Variants in PRSS23 observed in about 807,000 individuals in gnomAD.
PRSS23 encodes the protein protease, serine 23.
PRSS23 carries 25 observed loss-of-function variants against 34.7 expected under a neutral mutation model. That is an observed-to-expected ratio of 0.72 (90% CI 0.53 to 1.01). PRSS23 has a LOEUF of 1.01. PRSS23 is among the 50% of genes least tolerant of loss of function. The pLI is 0.00. For synonymous variants in PRSS23, 176 were observed against 186.6 expected (o/e 0.94, Z 0.46); for missense variants, 445 against 475.6 (o/e 0.94, Z 0.60).
Position 86,808,307 on chromosome 11 carries a change from A to G in PRSS23, c.664A>G (p.Ile222Val), listed in dbSNP as rs1200738845. 4 of 1,614,160 alleles carry G rather than the reference A, an allele frequency of 2.5e-6. No individual in the cohort carries two copies. Among genetic ancestry groups the G allele is most frequent in the Non-Finnish European group, 3.4e-6 (4 of 1,180,032 alleles). The part of the protein sequence containing the change: ...AMPEQMKFQW[I>V]RVKRTHVPKG... ...GCCCGAGCAGATGAAATTTCAGTGGATCCGGGTGAAACGCACCCATGTGCC... is the reference window on the plus strand; with the variant it reads ...GCCCGAGCAGATGAAATTTCAGTGGGTCCGGGTGAAACGCACCCATGTGCC... Residue 222 changes from isoleucine to valine, a missense_variant, in exon 2 of 2, where the codon ATC (isoleucine) becomes GTC (valine). Transcript: ENST00000280258.
chr11:86,925,565 A>G (rs551299085), intron 2 of PRSS23, among the ~76,000 whole-genome samples: 4 of 152,224 alleles, frequency 2.6e-5, no homozygotes, highest in Non-Finnish European at 5.9e-5. Context: ...ACAGAAAGGA[A>G]GGCCCTCCTG....
chr11:86,840,102 A>T (rs1161638250), intron 2 of PRSS23, among the ~76,000 whole-genome samples: 1 of 152,182 alleles, frequency 6.6e-6, no homozygotes, highest in Non-Finnish European at 1.5e-5. Context: ...ACATAGTAAT[A>T]TTAACCTTAA....
exon 3 of PRSS23, chr11:86,951,699 C>T: frequency 6.2e-7 from 1 of 1,614,070 alleles, no homozygotes; most frequent in Non-Finnish European, 8.5e-7. Flanking sequence ...GCGGGGATGG[C>T]CCAGGCTGCA....
chr11:86,821,509 C>A, intron 1 of PRSS23: 1 of 1,611,002 alleles, frequency 6.2e-7, no homozygotes, highest in South Asian at 1.1e-5. Flanking sequence ...AAAGAAAAAT[C>A]CATTGTTCAG....
chr11:86,880,794 C>G (rs796147820), intron 2 of PRSS23, among the ~76,000 whole-genome samples: 2 of 152,258 alleles, frequency 1.3e-5, no homozygotes, highest in African/African-American at 2.4e-5. Context: ...TGGTTTCCAC[C>G]TTCATCCATG....
chr11:86,921,840 G>C (rs191225982), intron 2 of PRSS23: 6 of 152,342 alleles, frequency 3.9e-5, no homozygotes, highest in African/African-American at 1.4e-4. Context: ...AAGTATCCAG[G>C]AGCGGGAGCT....
intron 2 of PRSS23, chr11:86,910,564 C>G (rs1948970683): frequency 6.6e-6 from 1 of 152,118 alleles, no homozygotes; most frequent in Admixed American, 6.5e-5. Context: ...TATTTATATC[C>G]TTAACATTTG....
chr11:86,881,935 C>T (rs936868742), intron 2 of PRSS23, among the ~76,000 whole-genome samples: 3 of 151,982 alleles, frequency 2.0e-5, no homozygotes, highest in African/African-American at 4.8e-5. Context: ...TTTATAACAC[C>T]AGTAGTAATG....
chr11:86,938,819 A>G (rs988781751), intron 2 of PRSS23, among the ~76,000 whole-genome samples: 8 of 152,142 alleles, frequency 5.3e-5, no homozygotes, highest in African/African-American at 1.9e-4. Context: ...AGCCACTGCC[A>G]AACACTAGAG....
At chr11:86,933,512 T>C (rs1384751782) in intron 2 of PRSS23, 1 of 152,216 alleles carries the variant, frequency 6.6e-6, no homozygotes, top group Non-Finnish European at 1.5e-5. Flanking sequence ...AAAGAGAAAG[T>C]ACTGCATATT....
At chr11:86,869,679 C>T (rs2134945382) in intron 2 of PRSS23, among the ~76,000 whole-genome samples, 1 of 152,286 alleles carries the variant, frequency 6.6e-6, no homozygotes, top group East Asian at 1.9e-4. Flanking sequence ...GATGGTTTAG[C>T]TGCCTCATCA....
intron 1 of PRSS23, among the ~76,000 whole-genome samples, chr11:86,794,794 T>TG (rs199741165): frequency 0.011 from 1,628 of 152,266 alleles, 33 homozygotes; most frequent in African/African-American, 0.034. Context: ...AATTTTACTA[T>TG]GGGGGTTTTA....
At chr11:86,876,906 A>G (rs554279438) in intron 2 of PRSS23, among the ~76,000 whole-genome samples, 30 of 152,318 alleles carry the variant, frequency 2.0e-4, no homozygotes, top group African/African-American at 7.0e-4. Context: ...GAATTTTAAA[A>G]ATGTGCTTCA....
At chr11:86,825,577 A>T (rs111927301) in intron 2 of PRSS23, among the ~76,000 whole-genome samples, 1 of 150,256 alleles carries the variant, frequency 6.7e-6, no homozygotes, top group African/African-American at 2.4e-5. Flanking sequence ...CTGAATGGTA[A>T]TGCCTAGGTT....
chr11:86,796,314 A>C (rs1265275515), upstream of PRSS23, among the ~76,000 whole-genome samples: 2 of 152,202 alleles, frequency 1.3e-5, no homozygotes, highest in East Asian at 3.8e-4. Flanking sequence ...CATCTGCAGA[A>C]TGAAGAAAAT....
intron 2 of PRSS23, among the ~76,000 whole-genome samples, chr11:86,899,741 C>G (rs1316990678): frequency 4.0e-5 from 6 of 151,818 alleles, no homozygotes; most frequent in Admixed American, 6.6e-5. Context: ...TGGTCTCGAT[C>G]GCCTGACCTC....
intron 2 of PRSS23, among the ~76,000 whole-genome samples, chr11:86,844,361 T>G (rs1948470729): frequency 6.6e-6 from 1 of 152,046 alleles, no homozygotes; most frequent in Admixed American, 6.6e-5. Flanking sequence ...TGTATACGTA[T>G]GTAACAAACC....
At chr11:86,844,291 T>C (rs1948470280) in intron 2 of PRSS23, among the ~76,000 whole-genome samples, 1 of 152,072 alleles carries the variant, frequency 6.6e-6, no homozygotes, top group Non-Finnish European at 1.5e-5. Flanking sequence ...AGGGATAGCA[T>C]TAGGAGAAAT....
At chr11:86,871,162 C>A (rs1234871706) in intron 2 of PRSS23, among the ~76,000 whole-genome samples, 1 of 152,166 alleles carries the variant, frequency 6.6e-6, no homozygotes, top group South Asian at 2.1e-4. Context: ...AGCAGATCAT[C>A]TTGATCCTAC....
Sources: allele counts gnomAD v4.1 joint callset (sites outside exome capture counted in the v4.1 genomes callset), GRCh38; gene constraint gnomAD v4.1.1; transcripts MANE v1.5; gene names NCBI Gene and HGNC (gene_info 2026-07-23, HGNC 2026-07-21).